Variants in NEGR1 observed in about 807,000 individuals in gnomAD.
NEGR1 encodes the protein neuronal growth regulator 1.
A neutral mutation model predicts 40.9 loss-of-function variants in NEGR1; 10 were observed. That is an observed-to-expected ratio of 0.24 (90% confidence interval 0.15 to 0.42). The LOEUF (loss-of-function observed/expected upper bound fraction) is 0.42. Among genes scored for constraint, NEGR1 ranks in the 10% least tolerant of loss-of-function variants. The pLI is 1.00. For synonymous variants in NEGR1, 185 were observed against 166.8 expected (o/e 1.11, Z -0.84); for missense variants, 352 against 438.9 (o/e 0.80, Z 1.77).
intron 3 of NEGR1, among the ~76,000 whole-genome samples, chr1:71,772,190 G>A (rs1456069260): frequency 1.3e-5 from 2 of 152,008 alleles, no homozygotes; most frequent in African/African-American, 2.4e-5. Flanking sequence ...ACCCACAAAG[G>A]AGAAATATTC....
chr1:71,683,233 G>A (rs1018871965), intron 4 of NEGR1, among the ~76,000 whole-genome samples: 1 of 151,962 alleles, frequency 6.6e-6, no homozygotes, highest in Non-Finnish European at 1.5e-5. Flanking sequence ...CTACAGGTAT[G>A]GCCCTTCGTG....
chr1:72,126,984 G>GAAAA (rs1650046059), intron 1 of NEGR1, among the ~76,000 whole-genome samples: 2 of 152,132 alleles, frequency 1.3e-5, no homozygotes, highest in African/African-American at 4.8e-5. Flanking sequence ...TCCCTGGAGG[G>GAAAA]AGTCACTATC....
intron 1 of NEGR1, among the ~76,000 whole-genome samples, chr1:72,267,695 A>G (rs1655694884): frequency 6.6e-6 from 1 of 151,310 alleles, no homozygotes; most frequent in Non-Finnish European, 1.5e-5. Flanking sequence ...AATTATTTGC[A>G]AAAGAATTAA....
intron 1 of NEGR1, among the ~76,000 whole-genome samples, chr1:72,214,254 A>G (rs1653714633): frequency 6.6e-6 from 1 of 152,130 alleles, no homozygotes; most frequent in Admixed American, 6.6e-5. Flanking sequence ...CACACAGCCA[A>G]TATCATACTG....
At chr1:71,471,665 A>C (rs573921012) in intron 6 of NEGR1, among the ~76,000 whole-genome samples, 24 of 151,706 alleles carry the variant, frequency 1.6e-4, no homozygotes, top group East Asian at 5.8e-4. Context: ...ACAACAACAA[A>C]AAAAAAGACG....
intron 1 of NEGR1, among the ~76,000 whole-genome samples, chr1:72,068,865 C>A (rs1007903033): frequency 6.6e-6 from 1 of 151,912 alleles, no homozygotes; most frequent in African/African-American, 2.4e-5. Context: ...AATATGTAAT[C>A]ATTTAAATTT....
chr1:71,644,409 T>C (rs1175792185), intron 4 of NEGR1, among the ~76,000 whole-genome samples: 1 of 152,006 alleles, frequency 6.6e-6, no homozygotes, highest in African/African-American at 2.4e-5. Context: ...TTCTCTTTTT[T>C]CCATAATGTT....
chr1:71,454,990 C>T (rs78067515), intron 6 of NEGR1, among the ~76,000 whole-genome samples: 1,565 of 152,076 alleles, frequency 0.01, 36 homozygotes, highest in African/African-American at 0.036. Flanking sequence ...GATCCCACGG[C>T]GATCACTTTA....
In NEGR1 at chr1:72,168,005, A is replaced by ATTATT. The variant is rs1031328542; in HGVS notation, c.176+114313_176+114314insAATAA. Among the ~76,000 whole-genome samples, 533 of 139,662 alleles carry ATTATT rather than the reference A, an allele frequency of 3.8e-3. 8 individuals are homozygous for ATTATT. Among genetic ancestry groups the ATTATT allele is most frequent in the African/African-American group, 0.013 (506 of 38,760 alleles). 91.6% of individuals were successfully genotyped at this position (139,662 alleles called of 152,430 possible). On this transcript the variant is annotated intron_variant, in intron 1 of 6. Coordinates refer to ENST00000357731, the MANE Select transcript of NEGR1 (RefSeq NM_173808.3). The stretch of plus-strand genomic sequence containing the variant: ...ATAAGGTAGTTATATTATTATTATT[A>ATTATT]TTTTTTTTTTTTTTTCTGAGACAAG...
chr1:71,999,632 AATATATATATATATATAT>A (rs528857972), intron 1 of NEGR1, among the ~76,000 whole-genome samples: 1,846 of 48,324 alleles, frequency 0.038, 233 homozygotes, highest in East Asian at 0.31. Flanking sequence ...GAGCAAAGCA[AATATATATATATATATAT>A]ATATATATAT....
chr1:71,696,908 C>G (rs1436983165), intron 4 of NEGR1, among the ~76,000 whole-genome samples: 2 of 151,858 alleles, frequency 1.3e-5, no homozygotes, highest in African/African-American at 4.8e-5. Flanking sequence ...TGCCTCCTGA[C>G]TTGGTATCAT....
At chr1:71,793,669 A>G (rs963834928) in intron 2 of NEGR1, among the ~76,000 whole-genome samples, 1 of 152,122 alleles carries the variant, frequency 6.6e-6, no homozygotes, top group African/African-American at 2.4e-5. Context: ...TAATTGCAAC[A>G]TTGGATTCAT....
chr1:71,565,102 C>A (rs969980729), intron 6 of NEGR1, among the ~76,000 whole-genome samples: 2 of 152,078 alleles, frequency 1.3e-5, no homozygotes, highest in Non-Finnish European at 1.5e-5. Flanking sequence ...TGAGAGGTAA[C>A]CAGATAAAAT....
At chr1:72,242,636 A>G (rs897428748) in intron 1 of NEGR1, among the ~76,000 whole-genome samples, 1 of 151,682 alleles carries the variant, frequency 6.6e-6, no homozygotes, top group Non-Finnish European at 1.5e-5. Flanking sequence ...GTATACTTAT[A>G]TTAATAATAA....
At chr1:71,607,251 T>C (rs1650100319) in intron 5 of NEGR1, among the ~76,000 whole-genome samples, 1 of 152,242 alleles carries the variant, frequency 6.6e-6, no homozygotes, top group Non-Finnish European at 1.5e-5. Context: ...GACTCCATTT[T>C]TCTGTGTCCT....
chr1:71,632,635 A>G (rs1378663014), intron 4 of NEGR1, among the ~76,000 whole-genome samples: 1 of 151,806 alleles, frequency 6.6e-6, no homozygotes, highest in East Asian at 1.9e-4. Flanking sequence ...TAATTATGCT[A>G]TTATCTCCAT....
In NEGR1 at chr1:71,855,628, A is replaced by G. The variant is rs541306391; in HGVS notation, c.410-79331T>C. The stretch of plus-strand genomic sequence containing the variant: ...TTATGCTTAATTATCCTTACGGTAC[A>G]GTAACCATAGCTTTGAATTATGCAT... On this transcript the variant is annotated intron_variant, in intron 2 of 6. Coordinates refer to ENST00000357731, the MANE Select transcript of NEGR1 (RefSeq NM_173808.3). Among the ~76,000 whole-genome samples, 410 of 152,172 alleles carry G rather than the reference A, an allele frequency of 2.7e-3. 1 individual carries two copies. The highest frequency in any genetic ancestry group is 4.3e-3 in the Non-Finnish European group (292 of 67,988).
chr1:71,756,401 C>CAAAAAAAAAAAAAAAA (rs1557640456), intron 3 of NEGR1, among the ~76,000 whole-genome samples: 2 of 53,112 alleles, frequency 3.8e-5, no homozygotes, highest in African/African-American at 6.4e-5. Context: ...AAACAAAAAA[C>CAAAAAAAAAAAAAAAA]AAAAACAAAC....
At chr1:72,176,188 T>C (rs1265033796) in intron 1 of NEGR1, among the ~76,000 whole-genome samples, 2 of 152,110 alleles carry the variant, frequency 1.3e-5, no homozygotes. Flanking sequence ...CTAGCAATGG[T>C]ATGTAGAATT....
Sources: allele counts gnomAD v4.1 joint callset (sites outside exome capture counted in the v4.1 genomes callset), GRCh38; gene constraint gnomAD v4.1.1; transcripts MANE v1.5; gene names NCBI Gene and HGNC (gene_info 2026-07-23, HGNC 2026-07-21).